REDIC1: variants seen among roughly 807,000 people sequenced by gnomAD.
REDIC1 encodes regulator of DNA class I crossover intermediates 1, also known as HEI10 Interacting Protein 1.
the REDIC1 span, among the ~76,000 whole-genome samples, chr12:39,798,962 A>G: frequency 1.3e-5 from 2 of 151,912 alleles, no homozygotes; most frequent in African/African-American, 4.8e-5. Flanking sequence ...AAAATAAATT[A>G]GAGTAACAAA....
the REDIC1 span, among the ~76,000 whole-genome samples, chr12:39,771,182 G>C: frequency 6.6e-6 from 1 of 152,130 alleles, no homozygotes; most frequent in Non-Finnish European, 1.5e-5. Context: ...GCGGGAGAGA[G>C]ACTCTAGAGT....
the REDIC1 span, among the ~76,000 whole-genome samples, chr12:39,664,169 C>T: frequency 1.3e-5 from 2 of 151,636 alleles, no homozygotes; most frequent in Non-Finnish European, 2.9e-5. Flanking sequence ...TGGTGTGCTG[C>T]ACCCATTAAC....
At chr12:39,873,192 T>C in the REDIC1 span, among the ~76,000 whole-genome samples, 2 of 152,324 alleles carry the variant, frequency 1.3e-5, no homozygotes, top group African/African-American at 4.8e-5. Flanking sequence ...CTATGTAGCA[T>C]GAAGGATGTG....
At chr12:39,712,754 TGTGTATATACGTATGTATAC>T in the REDIC1 span, among the ~76,000 whole-genome samples, 2 of 146,028 alleles carry the variant, frequency 1.4e-5, no homozygotes, top group African/African-American at 5.0e-5. Flanking sequence ...TGTACACATA[TGTGTATATACGTATGTATAC>T]ATGTGTATAT....
At chr12:39,711,538 T>C in the REDIC1 span, among the ~76,000 whole-genome samples, 1,148 of 114,048 alleles carry the variant, frequency 0.01, 17 homozygotes, top group African/African-American at 0.041. Flanking sequence ...TGTATATACA[T>C]ATATGTATGT....
chr12:39,850,273 T>C, the REDIC1 span, among the ~76,000 whole-genome samples: 1 of 152,206 alleles, frequency 6.6e-6, no homozygotes, highest in Non-Finnish European at 1.5e-5. Context: ...ATTGTATTGA[T>C]ATATTTTTCA....
chr12:39,699,594 C>A, the REDIC1 span, among the ~76,000 whole-genome samples: 1 of 152,228 alleles, frequency 6.6e-6, no homozygotes, highest in Non-Finnish European at 1.5e-5. Context: ...TGGGTGGAGC[C>A]CACCACAGCT....
chr12:39,722,373 A>G, the REDIC1 span, among the ~76,000 whole-genome samples: 1 of 152,136 alleles, frequency 6.6e-6, no homozygotes, highest in Non-Finnish European at 1.5e-5. Context: ...GGGGAATATA[A>G]TTATCTGATA....
the REDIC1 span, among the ~76,000 whole-genome samples, chr12:39,867,348 T>C: frequency 1.3e-5 from 2 of 152,278 alleles, no homozygotes; most frequent in East Asian, 3.9e-4. Flanking sequence ...GCCTAGCACA[T>C]ATCCAGTAAG....
chr12:39,654,309 C>T, the REDIC1 span, among the ~76,000 whole-genome samples: 97 of 151,692 alleles, frequency 6.4e-4, 1 homozygote, highest in Middle Eastern at 0.01. Flanking sequence ...TGGTGTAGGC[C>T]GGGCGTGGTG....
At chr12:39,740,765 T>A in the REDIC1 span, among the ~76,000 whole-genome samples, 3 of 152,212 alleles carry the variant, frequency 2.0e-5, no homozygotes, top group Non-Finnish European at 4.4e-5. Context: ...TAGAAGATTA[T>A]TTTTAATCTT....
the REDIC1 span, among the ~76,000 whole-genome samples, chr12:39,642,545 C>G: frequency 6.6e-6 from 1 of 151,776 alleles, no homozygotes; most frequent in Non-Finnish European, 1.5e-5. Flanking sequence ...TCACTATGGT[C>G]TTATCCATCA....
the REDIC1 span, among the ~76,000 whole-genome samples, chr12:39,717,152 A>G: frequency 2.0e-5 from 3 of 150,248 alleles, no homozygotes; most frequent in Admixed American, 1.3e-4. Flanking sequence ...TGTTATATAT[A>G]TACACACATA....
At chr12:39,829,179 T>C in the REDIC1 span, among the ~76,000 whole-genome samples, 3 of 152,032 alleles carry the variant, frequency 2.0e-5, no homozygotes, top group Non-Finnish European at 4.4e-5. Flanking sequence ...AAATGTTAGT[T>C]CATAAATCTG....
chr12:39,676,382 C>T, the REDIC1 span, among the ~76,000 whole-genome samples: 3 of 151,984 alleles, frequency 2.0e-5, no homozygotes, highest in African/African-American at 7.2e-5. Context: ...TTTGAATTAA[C>T]CCAATCCAGC....
At chr12:39,665,137 A>T in the REDIC1 span, among the ~76,000 whole-genome samples, 1 of 151,880 alleles carries the variant, frequency 6.6e-6, no homozygotes, top group African/African-American at 2.4e-5. Context: ...TTAGACATGA[A>T]GTCCTTGCCC....
chr12:39,798,283 C>T, the REDIC1 span, among the ~76,000 whole-genome samples: 1 of 152,202 alleles, frequency 6.6e-6, no homozygotes, highest in Non-Finnish European at 1.5e-5. Flanking sequence ...CACCACAGAG[C>T]CTCAGCTCAG....
the REDIC1 span, among the ~76,000 whole-genome samples, chr12:39,810,692 G>A: frequency 4.5e-4 from 68 of 152,124 alleles, no homozygotes; most frequent in African/African-American, 1.4e-3. Flanking sequence ...AATGGATTAG[G>A]AATTTAATCA....
At chr12:39,762,722 CAT>C in the REDIC1 span, among the ~76,000 whole-genome samples, 10 of 151,976 alleles carry the variant, frequency 6.6e-5, no homozygotes, top group Admixed American at 1.3e-4. Context: ...AAACCAGTAA[CAT>C]GTGGATTAAA....
Sources: allele counts gnomAD v4.1 joint callset (sites outside exome capture counted in the v4.1 genomes callset), GRCh38; gene constraint gnomAD v4.1.1; transcripts MANE v1.5; gene names NCBI Gene and HGNC (gene_info 2026-07-23, HGNC 2026-07-21).